The following GRIK4 variants were observed in gnomAD, a reference collection of about 807,000 sequenced individuals.
GRIK4 encodes glutamate receptor ionotropic, kainate 4.
Under a neutral mutation model 104.9 loss-of-function variants are expected in GRIK4, and 40 were observed. The ratio of observed to expected loss-of-function variants is 0.38; its 90% CI spans 0.30 to 0.50. The LOEUF (loss-of-function observed/expected upper bound fraction) is 0.50. Ranked by LOEUF, GRIK4 falls within the 20% of genes least tolerant of loss-of-function variation. The probability of loss-of-function intolerance (pLI) is 0.93; values close to 1 mark genes in which losing one functional copy is unlikely to be tolerated. For missense variants in GRIK4, 1,047 were observed against 1,308.1 expected, an observed-to-expected ratio of 0.80 and a Z score of 3.08; for synonymous variants, 485 against 524.9, an observed-to-expected ratio of 0.92 and a Z score of 1.04.
intron 3 of GRIK4, among the ~76,000 whole-genome samples, chr11:120,792,797 A>T (rs1447557407): frequency 2.0e-5 from 3 of 152,166 alleles, no homozygotes; most frequent in Non-Finnish European, 4.4e-5. Flanking sequence ...TGCTCTGCAG[A>T]TACGTTCATG....
chr11:120,625,356 A>G (rs1949244777), intron 1 of GRIK4, among the ~76,000 whole-genome samples: 1 of 152,148 alleles, frequency 6.6e-6, no homozygotes, highest in Non-Finnish European at 1.5e-5. Flanking sequence ...GGAATGGCAG[A>G]TGAGCACCCG....
chr11:120,880,541 G>C (rs1011116486), intron 11 of GRIK4, among the ~76,000 whole-genome samples: 1 of 152,174 alleles, frequency 6.6e-6, no homozygotes, highest in African/African-American at 2.4e-5. Flanking sequence ...AAAGTCCAAG[G>C]TCTTTCCACT....
intron 3 of GRIK4, among the ~76,000 whole-genome samples, chr11:120,666,932 T>TG (rs150344799): frequency 0.078 from 11,861 of 152,208 alleles, 1,533 homozygotes; most frequent in African/African-American, 0.27. Context: ...TCTATTTTGG[T>TG]GGGGGGTGTT....
intron 3 of GRIK4, among the ~76,000 whole-genome samples, chr11:120,684,773 C>T (rs1296413521): frequency 6.6e-6 from 1 of 152,120 alleles, no homozygotes; most frequent in South Asian, 2.1e-4. Flanking sequence ...TGCAGTGGCG[C>T]GATCTCAGCT....
chr11:120,845,888 T>C (rs1429522329), intron 8 of GRIK4, among the ~76,000 whole-genome samples: 1 of 152,232 alleles, frequency 6.6e-6, no homozygotes, highest in Non-Finnish European at 1.5e-5. Context: ...GAGTGAAAGC[T>C]CCTTGTGTGT....
intron 1 of GRIK4, among the ~76,000 whole-genome samples, chr11:120,523,693 T>C (rs1947823202): frequency 6.6e-6 from 1 of 152,146 alleles, no homozygotes; most frequent in Non-Finnish European, 1.5e-5. Flanking sequence ...GTTGCCCGGG[T>C]CTGCCTTCGT....
At chr11:120,544,260 T>A (rs1187953408) in intron 1 of GRIK4, among the ~76,000 whole-genome samples, 1 of 152,228 alleles carries the variant, frequency 6.6e-6, no homozygotes, top group East Asian at 1.9e-4. Flanking sequence ...ACTCATCAAG[T>A]TGTATACATT....
intron 3 of GRIK4, among the ~76,000 whole-genome samples, chr11:120,720,791 A>G (rs1313154246): frequency 6.6e-6 from 1 of 152,040 alleles, no homozygotes; most frequent in African/African-American, 2.4e-5. Flanking sequence ...GAGGGGGAAG[A>G]TACTGGAATT....
chr11:120,803,657 T>C (rs1192972000), intron 4 of GRIK4, among the ~76,000 whole-genome samples: 4 of 152,172 alleles, frequency 2.6e-5, no homozygotes, highest in African/African-American at 9.6e-5. Flanking sequence ...AGGTTGGTCT[T>C]GAACTCCTGA....
intron 15 of GRIK4, among the ~76,000 whole-genome samples, chr11:120,954,033 T>A (rs2134697318): frequency 6.6e-6 from 1 of 152,180 alleles, no homozygotes; most frequent in South Asian, 2.1e-4. Context: ...CCCATCTCTG[T>A]GGGGTGGGTG....
chr11:120,896,335 T>G (rs572966648), intron 11 of GRIK4, among the ~76,000 whole-genome samples: 1 of 152,316 alleles, frequency 6.6e-6, no homozygotes, highest in South Asian at 2.1e-4. Flanking sequence ...GGCCTCAGTT[T>G]CCTTATCTGT....
intron 4 of GRIK4, among the ~76,000 whole-genome samples, chr11:120,812,773 G>A (rs959503192): frequency 1.3e-5 from 2 of 152,334 alleles, no homozygotes; most frequent in Admixed American, 6.5e-5. Flanking sequence ...GCAGGTGGTT[G>A]GAACTTGACT....
In GRIK4 at chr11:120,884,417, C is replaced by A. The variant is rs532018454; in HGVS notation, c.1164+9174C>A. ...GAGAGAAGAACAAAACGGGGGTGAG[C>A]GAGACGCCCAGGGCCAGGTCACTCT... is the stretch of plus-strand genomic sequence containing the variant. On this transcript the variant is annotated intron_variant, in intron 11 of 20. Transcript: ENST00000527524. 2.6e-5 allele frequency among the ~76,000 whole-genome samples: 4 copies of A among 152,166 alleles called. No individual in the cohort carries two copies. The East Asian group carries it at 7.7e-4, about 29-fold the overall frequency.
In GRIK4 at chr11:120,918,331, C is replaced by T. The variant is rs532353613; in HGVS notation, c.1476+12838C>T. ...ACCCGGGGTGACAACCCTATTGACC[C>T]ATTCTGATGTACTTACCATCCTCAG... On this transcript the variant is annotated intron_variant, in intron 13 of 20. Coordinates refer to ENST00000527524, the MANE Select transcript of GRIK4 (RefSeq NM_014619.5). 2.0e-5 allele frequency among the ~76,000 whole-genome samples: 3 copies of T among 152,290 alleles called. No individual in the cohort carries two copies. The East Asian group carries it at 5.8e-4, about 29-fold the overall frequency.
At chr11:120,860,678 T>A (rs1434137061) in intron 8 of GRIK4, among the ~76,000 whole-genome samples, 1 of 152,194 alleles carries the variant, frequency 6.6e-6, no homozygotes, top group Non-Finnish European at 1.5e-5. Context: ...CTCATCCATA[T>A]CCTCCATGCC....
chr11:120,589,522 A>G (rs1355669461), intron 1 of GRIK4, among the ~76,000 whole-genome samples: 2 of 152,166 alleles, frequency 1.3e-5, no homozygotes, highest in Non-Finnish European at 2.9e-5. Flanking sequence ...GTCTCACTAT[A>G]GCAGTCGAGT....
intron 1 of GRIK4, among the ~76,000 whole-genome samples, chr11:120,595,047 C>G (rs982566610): frequency 1.4e-4 from 21 of 152,212 alleles, no homozygotes; most frequent in Non-Finnish European, 2.4e-4. Flanking sequence ...CACAAAGTTG[C>G]CATCCTCCTC....
chr11:120,535,796 T>C (rs1031648053), intron 1 of GRIK4, among the ~76,000 whole-genome samples: 8 of 152,362 alleles, frequency 5.3e-5, no homozygotes, highest in Admixed American at 5.2e-4. Context: ...TTTGCATTGC[T>C]GCACCTATTC....
chr11:120,713,573 T>C (rs534182739), intron 3 of GRIK4, among the ~76,000 whole-genome samples: 1 of 152,354 alleles, frequency 6.6e-6, no homozygotes, highest in African/African-American at 2.4e-5. Context: ...ATGGGATTTA[T>C]GACCGTAGCT....
Sources: gnomAD v4.1 joint callset for allele counts (sites outside exome capture counted in the v4.1 genomes callset) on GRCh38, gnomAD v4.1.1 for gene constraint, MANE v1.5 for transcripts, NCBI Gene and HGNC (gene_info 2026-07-23, HGNC 2026-07-21) for gene names.